Variants in SDK1 observed in about 807,000 individuals in gnomAD.
SDK1 encodes protein sidekick-1.
In SDK1, 157 loss-of-function variants were observed where a neutral mutation model predicts 245.5. The observed-to-expected ratio is 0.64, with a 90% CI of 0.56 to 0.73. The LOEUF is 0.73. Ranked by LOEUF, SDK1 falls within the 30% of genes least tolerant of loss-of-function variation. The pLI, the probability that SDK1 is intolerant of heterozygous loss-of-function variation, is 0.00. For missense variants in SDK1, 3,583 were observed against 3,002.3 expected, an observed-to-expected ratio of 1.19 and a Z score of -4.52; for synonymous variants, 1,647 against 1,278.5, an observed-to-expected ratio of 1.29 and a Z score of -6.15.
chr7:3,868,926 G>A (rs187741661), intron 5 of SDK1, among the ~76,000 whole-genome samples: 45 of 152,130 alleles, frequency 3.0e-4, no homozygotes, highest in South Asian at 6.2e-4. Context: ...TCATTGCTCC[G>A]TATGAGAAAA....
chr7:3,418,135 T>A (rs1779427092), intron 1 of SDK1, among the ~76,000 whole-genome samples: 1 of 69,328 alleles, frequency 1.4e-5, no homozygotes, highest in East Asian at 3.3e-4. Flanking sequence ...ACCCGATCTC[T>A]ACTAAAAATG....
chr7:3,581,954 G>A (rs1780510536), intron 1 of SDK1, among the ~76,000 whole-genome samples: 2 of 152,208 alleles, frequency 1.3e-5, no homozygotes, highest in Admixed American at 6.5e-5. Flanking sequence ...AGAACACATG[G>A]CCACATAGAG....
rs562984712 is a variant in SDK1, at chr7:4,057,118, C to G, written c.2911+5288C>G. The stretch of plus-strand genomic sequence containing the variant: ...CCACCTGGGTCTGAAGCACACCTCC[C>G]CAGCAGCAGGGCCGCAGTGCAGCCA... On this transcript the variant is annotated intron_variant, in intron 19 of 44. Transcript: ENST00000404826. Among the ~76,000 whole-genome samples the G allele has an allele frequency of 5.7e-3, 864 of 152,344 alleles. 5 individuals are homozygous for G. The highest frequency in any genetic ancestry group is 8.5e-3 in the Admixed American group (130 of 15,308).
At position 4,167,428 on chromosome 7, in the gene SDK1, C is replaced by CA. The variant is rs1013179768; in HGVS notation, c.4800+5579dup. On this transcript the variant is annotated intron_variant, in intron 32 of 44. Transcript: ENST00000404826. ...AAAAAAACAAAAACAACAACAGCAACAAAAAAACGGGCTTTTGAAAAATGA... is the reference window on the plus strand; with the variant it reads ...AAAAAAACAAAAACAACAACAGCAACAAAAAAAACGGGCTTTTGAAAAATGA... 5.3e-5 allele frequency among the ~76,000 whole-genome samples: 8 copies of CA among 151,872 alleles called. No homozygotes were observed. The East Asian group carries it at 7.7e-4, about 15-fold the overall frequency.
intron 14 of SDK1, among the ~76,000 whole-genome samples, chr7:4,001,673 A>G (rs954887939): frequency 2.6e-5 from 4 of 152,238 alleles, no homozygotes; most frequent in African/African-American, 9.6e-5. Context: ...GACATATACA[A>G]CAGAGAAAGT....
rs573381483 is a variant in SDK1, at chr7:3,572,845, AATGTATTCACCTGAAG to A, written c.299-46233_299-46218del. Among the ~76,000 whole-genome samples, 43 of 152,220 alleles carry A rather than the reference AATGTATTCACCTGAAG, an allele frequency of 2.8e-4. No individual in the cohort carries two copies. In the South Asian group the frequency reaches 8.9e-3, roughly 32 times the overall value. ...GGTGAAAAATAGAGGGTGCTATTGA[AATGTATTCACCTGAAG>A]AAGGGAGGAAGAGATTCCTGGAAGA... On this transcript the variant is annotated intron_variant, in intron 1 of 44. Transcript: ENST00000404826.
intron 2 of SDK1, among the ~76,000 whole-genome samples, chr7:3,624,605 C>G (rs1353834612): frequency 2.0e-5 from 3 of 152,108 alleles, no homozygotes; most frequent in South Asian, 4.1e-4. Context: ...AACAAATTTT[C>G]ACAACATTAA....
intron 22 of SDK1, among the ~76,000 whole-genome samples, chr7:4,108,199 C>T (rs951216748): frequency 6.6e-6 from 1 of 152,098 alleles, no homozygotes; most frequent in East Asian, 1.9e-4. Flanking sequence ...TTCACAGACG[C>T]GATGGAGGAA....
At chr7:3,967,541 C>A in intron 10 of SDK1, 107 bp downstream of exon 10, 2 of 729,802 alleles carry the variant, frequency 2.7e-6, no homozygotes, top group Non-Finnish European at 2.4e-6. Flanking sequence ...TATGCATTCA[C>A]TCAATGAAGA....
intron 5 of SDK1, among the ~76,000 whole-genome samples, chr7:3,936,073 AT>A (rs1327967045): frequency 1.3e-5 from 2 of 152,264 alleles, no homozygotes; most frequent in Non-Finnish European, 2.9e-5. Flanking sequence ...AAGGAAGGAC[AT>A]TCTGACACAT....
At chr7:3,995,267 T>C (rs10277650) in intron 14 of SDK1, among the ~76,000 whole-genome samples, 28,599 of 152,130 alleles carry the variant, frequency 0.19, 4,645 homozygotes, top group African/African-American at 0.45. Flanking sequence ...CCTGATCCTG[T>C]CCCCCTCTGC....
chr7:4,265,692 C>G lies in SDK1; in HGVS notation c.*308C>G. 8.7e-7 allele frequency: 1 copy of G among 1,149,908 alleles called. No homozygotes were observed. The highest frequency in any genetic ancestry group is 3.2e-5 in the South Asian group (1 of 31,152). 71.2% of individuals were successfully genotyped at this position (1,149,908 alleles called of 1,614,324 possible). A position where few individuals can be genotyped will look rare whatever the true frequency, so the allele number is the denominator to read the frequency against. Reference sequence around the variant, plus strand: ...TGGGAGGACCTCAGACCTCCCCAGCCCTGGGTTTCTCCGTCTTCAAGACCA... The same window carrying G: ...TGGGAGGACCTCAGACCTCCCCAGCGCTGGGTTTCTCCGTCTTCAAGACCA... On this transcript the variant is annotated 3_prime_UTR_variant, in exon 45 of 45. Coordinates refer to ENST00000404826, the MANE Select transcript of SDK1 (RefSeq NM_152744.4).
At chr7:3,357,897 A>G (rs61039995) in intron 1 of SDK1, among the ~76,000 whole-genome samples, 15,185 of 152,246 alleles carry the variant, frequency 0.1, 971 homozygotes, top group African/African-American at 0.17. Context: ...TGTACTTCTA[A>G]ATTACATTTG....
intron 17 of SDK1, among the ~76,000 whole-genome samples, chr7:4,031,876 A>G (rs1348766772): frequency 1.3e-5 from 2 of 152,022 alleles, no homozygotes; most frequent in African/African-American, 4.8e-5. Context: ...AAAATACAAA[A>G]ATTAGCCGGG....
Position 4,015,701 on chromosome 7 carries a change from C to T in SDK1, c.2421-1470C>T, listed in dbSNP as rs114566143. On this transcript the variant is annotated intron_variant, in intron 16 of 44. Transcript: ENST00000404826. ...AAACATGGTTTGATAACTTGACTTTCATTTTTGCCCATCACGGAATAACGC... is the reference window on the plus strand; with the variant it reads ...AAACATGGTTTGATAACTTGACTTTTATTTTTGCCCATCACGGAATAACGC... Among the ~76,000 whole-genome samples the T allele has an allele frequency of 6.9e-3, 1,057 of 152,286 alleles. 14 individuals carry two copies. The highest frequency in any genetic ancestry group is 0.024 in the African/African-American group (1,002 of 41,572).
At position 4,113,311 on chromosome 7, in the gene SDK1, A is replaced by G. The variant is rs199789474; in HGVS notation, c.3457A>G (p.Ile1153Val). Residue 1153 changes from isoleucine (I) to valine (V), a missense_variant, in exon 24 of 45, where the codon ATT becomes GTT. Coordinates refer to ENST00000404826, the MANE Select transcript of SDK1 (RefSeq NM_152744.4). ...TAGATTTCGAATGAAGCAAGTGAAC[A>G]TTGTTGGGCCGAGCCCCTACAGTCC... ...HYRFRMKQVN[I>V]VGPSPYSPSS... The G allele has an allele frequency of 6.2e-7, 1 of 1,613,540 alleles. No individual in the cohort carries two copies. Among genetic ancestry groups the G allele is most frequent in the East Asian group, 2.2e-5 (1 of 44,860 alleles).
chr7:3,547,817 C>A (rs977621745), intron 1 of SDK1, among the ~76,000 whole-genome samples: 1 of 152,204 alleles, frequency 6.6e-6, no homozygotes, highest in Non-Finnish European at 1.5e-5. Flanking sequence ...CAGGCAGATA[C>A]CCGTCAGCCT....
chr7:3,758,810 C>G (rs1780012147), intron 4 of SDK1, among the ~76,000 whole-genome samples: 1 of 152,204 alleles, frequency 6.6e-6, no homozygotes, highest in African/African-American at 2.4e-5. Flanking sequence ...CTCTAGGCCT[C>G]TCAGTGGACC....
intron 35 of SDK1, among the ~76,000 whole-genome samples, chr7:4,182,903 C>A (rs1228019730): frequency 6.6e-6 from 1 of 152,238 alleles, no homozygotes; most frequent in Non-Finnish European, 1.5e-5. Flanking sequence ...GCAGCACAGA[C>A]AAAACCAGTT....
Sources: allele counts gnomAD v4.1 joint callset (sites outside exome capture counted in the v4.1 genomes callset), GRCh38; gene constraint gnomAD v4.1.1; transcripts MANE v1.5; gene names NCBI Gene and HGNC (gene_info 2026-07-23, HGNC 2026-07-21).